Variants in CWF19L2 observed in about 807,000 individuals in gnomAD.
The protein encoded by CWF19L2 is CWF19-like protein 2.
A neutral mutation model predicts 111.7 loss-of-function variants in CWF19L2; 98 were observed. That is an observed-to-expected ratio of 0.88 (90% CI 0.75 to 1.04). The LOEUF is 1.04. Among genes scored for constraint, CWF19L2 ranks in the 50% least tolerant of loss-of-function variants. The probability of loss-of-function intolerance (pLI) is 0.00; values close to 1 mark genes in which losing one functional copy is unlikely to be tolerated. For missense variants in CWF19L2, 1,101 were observed against 1,051.4 expected (o/e 1.05, Z -0.65); for synonymous variants, 351 against 342.9 (o/e 1.02, Z -0.26).
rs189101865 is a variant in CWF19L2, at chr11:107,378,535, C to T, written c.1872+11539G>A. On this transcript the variant is annotated intron_variant, in intron 12 of 17. Transcript: ENST00000282251. ...TGCAAGAACAAAAAACCAAACACCG[C>T]GTATTCTCACGCATAGGTGGGAATT... Among the ~76,000 whole-genome samples the T allele has an allele frequency of 2.1e-3, 323 of 152,218 alleles. 1 individual carries two copies. The highest frequency in any genetic ancestry group is 7.1e-3 in the African/African-American group (295 of 41,520).
rs1017479315 is a variant in CWF19L2 at position 107,329,900 on chromosome 11, T to C, written c.2541+18A>G. 8.6e-6 allele frequency: 13 copies of C among 1,511,556 alleles called. No homozygotes were observed. The Admixed American group carries it at 1.9e-4, about 22-fold the overall frequency. The allele number at this position is 1,511,556 out of a possible 1,614,324, so 93.6% of individuals were successfully genotyped here. A position where few individuals can be genotyped will look rare whatever the true frequency, so the allele number is the denominator to read the frequency against. The stretch of plus-strand genomic sequence containing the variant: ...CCAAATTGCTAACTCTGGGATTTTA[T>C]CAAATTTGTAAGCCTACCTTTCCAA... On this transcript the variant is annotated intron_variant, in intron 17 of 17. Coordinates refer to ENST00000282251, the MANE Select transcript of CWF19L2 (RefSeq NM_152434.3).
intron 7 of CWF19L2, among the ~76,000 whole-genome samples, chr11:107,432,493 G>C (rs1861478448): frequency 6.6e-6 from 1 of 152,198 alleles, no homozygotes; most frequent in Admixed American, 6.5e-5. Flanking sequence ...TGAGGCAAGA[G>C]AATCACTTGA....
Position 107,353,732 on chromosome 11 carries a change from A to G in CWF19L2, c.1877T>C (p.Met626Thr), listed in dbSNP as rs2134546777. The change falls in exon 13 of 18, where the codon ATG becomes ACG. Residue 626 changes from methionine (M) to threonine (T), a missense_variant. By Grantham distance (81) the Met-to-Thr change is moderately conservative (BLOSUM62 -1). Coordinates refer to ENST00000282251, the MANE Select transcript of CWF19L2 (RefSeq NM_152434.3). ...GTAATAGTCTCCATCTGTTTTTCCC[A>G]TAAACTGAAAAACCAAAATAACAGT... Reference protein sequence around the residue: ...KLFMRMASKFMGKTDGDYYTL... With the variant: ...KLFMRMASKFTGKTDGDYYTL... 1 of 1,613,554 alleles carries G rather than the reference A, an allele frequency of 6.2e-7. No individual in the cohort carries two copies. The highest frequency in any genetic ancestry group is 2.2e-5 in the East Asian group (1 of 44,850).
At chr11:107,354,587 T>C in intron 12 of CWF19L2, among the ~76,000 whole-genome samples, 1 of 152,166 alleles carries the variant, frequency 6.6e-6, no homozygotes, top group Non-Finnish European at 1.5e-5. Flanking sequence ...AAAATGAAGT[T>C]CATTTATGTT....
chr11:107,410,780 C>T (rs1377016930), intron 10 of CWF19L2, among the ~76,000 whole-genome samples: 6 of 152,126 alleles, frequency 3.9e-5, no homozygotes, highest in African/African-American at 1.4e-4. Flanking sequence ...TCCTTCTGTT[C>T]CAAGCCGCAA....
chr11:107,429,235 T>C lies in CWF19L2; in HGVS notation c.997A>G (p.Ile333Val), dbSNP rs536850636. The change falls in exon 8 of 18, where the codon ATT (isoleucine) becomes GTT (valine). Residue 333 changes from isoleucine (I) to valine (V), a missense_variant. By Grantham distance (29) the Ile-to-Val change is conservative. Coordinates refer to ENST00000282251, the MANE Select transcript of CWF19L2 (RefSeq NM_152434.3). The part of the protein sequence containing the change: ...TAKNSNNEKF[I>V]GDEKDKRPGS... ...GGTCTCTTATCTTTTTCATCACCAA[T>C]AAATTTTTCATTATTGCTATTTTTT... 1.9e-6 allele frequency: 3 copies of C among 1,612,596 alleles called. No individual in the cohort carries two copies. The highest frequency in any genetic ancestry group is 2.5e-6 in the Non-Finnish European group (3 of 1,179,530).
At chr11:107,452,048 C>T (rs145130454) in intron 3 of CWF19L2, among the ~76,000 whole-genome samples, 53 of 152,280 alleles carry the variant, frequency 3.5e-4, no homozygotes, top group African/African-American at 1.2e-3. Context: ...TCACCACTTC[C>T]ATTCAACACT....
intron 10 of CWF19L2, among the ~76,000 whole-genome samples, chr11:107,399,161 A>G (rs1860965489): frequency 6.6e-6 from 1 of 152,216 alleles, no homozygotes. Context: ...GGCAAAAACA[A>G]AAACAAAAGT....
chr11:107,406,980 T>C (rs1861087731), intron 10 of CWF19L2, among the ~76,000 whole-genome samples: 3 of 152,130 alleles, frequency 2.0e-5, no homozygotes, highest in East Asian at 1.9e-4. Flanking sequence ...TATTTTTGAG[T>C]AGACAAGACC....
At chr11:107,425,179 A>AACACAC (rs138792527) in intron 8 of CWF19L2, among the ~76,000 whole-genome samples, 19,729 of 144,738 alleles carry the variant, frequency 0.14, 1,336 homozygotes, top group South Asian at 0.15. Flanking sequence ...CTCTCTTTGA[A>AACACAC]ACACACACAC....
At chr11:107,421,906 T>G (rs912367509) in intron 8 of CWF19L2, among the ~76,000 whole-genome samples, 18 of 152,098 alleles carry the variant, frequency 1.2e-4, no homozygotes, top group Non-Finnish European at 2.1e-4. Flanking sequence ...GATTTGTACC[T>G]GAATGTTCAG....
At chr11:107,402,873 G>GTGTATA (rs1247886311) in intron 10 of CWF19L2, among the ~76,000 whole-genome samples, 11 of 94,450 alleles carry the variant, frequency 1.2e-4, no homozygotes, top group South Asian at 3.0e-4. Context: ...ACTGTGGTGT[G>GTGTATA]TATATATATA....
intron 8 of CWF19L2, 78 bp from the exon 9 acceptor site, chr11:107,418,365 T>C: frequency 1.1e-6 from 1 of 896,280 alleles, no homozygotes; most frequent in Non-Finnish European, 1.9e-6. Context: ...CAAATGTTAT[T>C]TTAACTGACC....
At chr11:107,374,226 A>T (rs653190) in intron 12 of CWF19L2, among the ~76,000 whole-genome samples, 45,078 of 121,466 alleles carry the variant, frequency 0.37, 13,384 homozygotes, top group African/African-American at 0.59. Context: ...ACTTCCCCAA[A>T]CTAGCAAGGC....
intron 3 of CWF19L2, among the ~76,000 whole-genome samples, chr11:107,445,756 A>G (rs550202467): frequency 6.6e-6 from 1 of 152,284 alleles, no homozygotes; most frequent in African/African-American, 2.4e-5. Context: ...AGTAATATAA[A>G]GGGAACATCT....
At chr11:107,332,127 T>C (rs892866941) in intron 16 of CWF19L2, among the ~76,000 whole-genome samples, 5 of 152,236 alleles carry the variant, frequency 3.3e-5, no homozygotes, top group African/African-American at 4.8e-5. Context: ...AGGCCTCTGG[T>C]AAACCCACAT....
At chr11:107,352,719 A>C (rs1860174380) in intron 13 of CWF19L2, among the ~76,000 whole-genome samples, 1 of 152,292 alleles carries the variant, frequency 6.6e-6, no homozygotes, top group Non-Finnish European at 1.5e-5. Context: ...TAAGAAAATA[A>C]ATCAAAAGAA....
chr11:107,430,968 T>C (rs1181217171), intron 7 of CWF19L2, among the ~76,000 whole-genome samples: 1 of 151,398 alleles, frequency 6.6e-6, no homozygotes, highest in East Asian at 1.9e-4. Context: ...CAAAACGTCA[T>C]GGAATACATA....
chr11:107,435,310 C>T (rs1565283732), intron 6 of CWF19L2, among the ~76,000 whole-genome samples: 1 of 151,832 alleles, frequency 6.6e-6, no homozygotes, highest in Non-Finnish European at 1.5e-5. Context: ...ACTATGCAAC[C>T]ACTTGAGGAA....
Sources: gnomAD v4.1 joint callset for allele counts (sites outside exome capture counted in the v4.1 genomes callset) on GRCh38, gnomAD v4.1.1 for gene constraint, MANE v1.5 for transcripts, NCBI Gene and HGNC (gene_info 2026-07-23, HGNC 2026-07-21) for gene names.